MAML2: variants seen among roughly 807,000 people sequenced by gnomAD.
The protein encoded by MAML2 is mastermind like transcriptional coactivator 2.
In MAML2, 22 loss-of-function variants were observed where a neutral mutation model predicts 96.1. The ratio of observed to expected loss-of-function variants is 0.23; its 90% CI spans 0.16 to 0.33. The LOEUF is 0.33. Ranked by LOEUF, MAML2 falls within the 10% of genes least tolerant of loss-of-function variation. MAML2 has a pLI of 1.00. For missense variants in MAML2, 1,367 were observed against 1,392.4 expected (o/e 0.98, Z 0.29); for synonymous variants, 561 against 521.3 (o/e 1.08, Z -1.04).
rs1197335892 is a variant in MAML2, at chr11:96,341,583, G to C, written c.313C>G (p.Pro105Ala). The change falls in exon 1 of 5, where the codon CCT becomes GCT. Residue 105 changes from proline to alanine, a missense_variant. Coordinates refer to ENST00000524717, the MANE Select transcript of MAML2 (RefSeq NM_032427.4). ...ATATAATTTA[P>A]PPPPAAPPAA... is the part of the protein sequence containing the mutation. ...GGAGGGGCAGCAGGGGGCGGTGGAG[G>C]GGCTGTAGTGGTGGCAGCAGTGGCG... 1 of 1,551,460 alleles carries C rather than the reference G, an allele frequency of 6.4e-7. No individual in the cohort carries two copies. Among genetic ancestry groups the C allele is most frequent in the Non-Finnish European group, 8.7e-7 (1 of 1,147,020 alleles).
intron 1 of MAML2, among the ~76,000 whole-genome samples, chr11:96,110,935 C>G (rs1860109275): frequency 6.6e-6 from 1 of 152,154 alleles, no homozygotes; most frequent in Non-Finnish European, 1.5e-5. Context: ...TTGCTTTTGA[C>G]CAGACAGTTT....
At chr11:96,132,664 C>T (rs1414388973) in intron 1 of MAML2, among the ~76,000 whole-genome samples, 2 of 152,180 alleles carry the variant, frequency 1.3e-5, no homozygotes, top group South Asian at 2.1e-4. Context: ...GTGTTCTTAG[C>T]GTTCTGACAA....
intron 1 of MAML2, among the ~76,000 whole-genome samples, chr11:96,213,781 C>T (rs1398399927): frequency 6.6e-6 from 1 of 152,192 alleles, no homozygotes. Context: ...GATGCATTGC[C>T]TTGTCTTTGC....
chr11:96,277,228 ATTTT>A (rs968121479), intron 1 of MAML2, among the ~76,000 whole-genome samples: 1 of 151,588 alleles, frequency 6.6e-6, no homozygotes, highest in East Asian at 1.9e-4. Flanking sequence ...CTGTATCTCG[ATTTT>A]TTTTTCTTTT....
chr11:96,143,668 A>G (rs1056492759), intron 1 of MAML2, among the ~76,000 whole-genome samples: 1 of 152,202 alleles, frequency 6.6e-6, no homozygotes, highest in African/African-American at 2.4e-5. Flanking sequence ...AACTCCAAAC[A>G]ACATTAATTC....
At chr11:96,025,658 A>G (rs965744176) in intron 2 of MAML2, among the ~76,000 whole-genome samples, 3 of 152,126 alleles carry the variant, frequency 2.0e-5, no homozygotes, top group Admixed American at 2.0e-4. Context: ...GGTTCAAGCG[A>G]TTCTCCTGCC....
intron 1 of MAML2, among the ~76,000 whole-genome samples, chr11:96,172,366 G>C (rs1027411619): frequency 4.6e-5 from 7 of 152,286 alleles, no homozygotes; most frequent in African/African-American, 1.4e-4. Context: ...CCAGACTGGT[G>C]GTGTTCAGAG....
At chr11:96,000,874 T>C (rs1353150352) in intron 2 of MAML2, among the ~76,000 whole-genome samples, 1 of 152,198 alleles carries the variant, frequency 6.6e-6, no homozygotes, top group East Asian at 1.9e-4. Context: ...TTGAAAGAAT[T>C]GTAGCTTATC....
chr11:96,258,614 A>G (rs1240978264), intron 1 of MAML2, among the ~76,000 whole-genome samples: 1 of 152,250 alleles, frequency 6.6e-6, no homozygotes, highest in East Asian at 1.9e-4. Flanking sequence ...GGAATCATAT[A>G]TGGAGTAAAC....
At chr11:96,289,299 G>A (rs1327720684) in intron 1 of MAML2, among the ~76,000 whole-genome samples, 1 of 152,110 alleles carries the variant, frequency 6.6e-6, no homozygotes, top group Admixed American at 6.5e-5. Flanking sequence ...AGTCTTCAAG[G>A]ATAACTGTGC....
At chr11:96,310,030 C>CGGGAGGCTGAGG (rs1863515693) in intron 1 of MAML2, among the ~76,000 whole-genome samples, 1 of 151,982 alleles carries the variant, frequency 6.6e-6, no homozygotes, top group African/African-American at 2.4e-5. Flanking sequence ...TCTGAAGTTT[C>CGGGAGGCTGAGG]CAAAATGTAT....
rs201318083 is a variant in MAML2, at chr11:96,308,283, G to GA, written c.513+33099dup. On this transcript the variant is annotated intron_variant, in intron 1 of 4. Coordinates refer to ENST00000524717, the MANE Select transcript of MAML2 (RefSeq NM_032427.4). ...CAATGCTATCCTAAACCACAAGGAGGAAAAAAAAATCCAGTGATTTACTAA... is the reference window on the plus strand; with the variant it reads ...CAATGCTATCCTAAACCACAAGGAGGAAAAAAAAAATCCAGTGATTTACTAA... Among the ~76,000 whole-genome samples, 316 of 150,752 alleles carry GA rather than the reference G, an allele frequency of 2.1e-3. 1 individual carries two copies. Among genetic ancestry groups the GA allele is most frequent in the African/African-American group, 7.2e-3 (298 of 41,156 alleles).
At chr11:96,139,195 A>G (rs1860691059) in intron 1 of MAML2, among the ~76,000 whole-genome samples, 1 of 152,170 alleles carries the variant, frequency 6.6e-6, no homozygotes, top group African/African-American at 2.4e-5. Context: ...TCACCACTGA[A>G]AAAAGACAGT....
chr11:96,172,909 G>A (rs542566791), intron 1 of MAML2, among the ~76,000 whole-genome samples: 3 of 152,156 alleles, frequency 2.0e-5, no homozygotes, highest in Admixed American at 6.5e-5. Flanking sequence ...CCAGCCTCTC[G>A]ATATGTAGAA....
intron 2 of MAML2, among the ~76,000 whole-genome samples, chr11:96,010,624 C>A (rs1287554411): frequency 2.0e-5 from 3 of 152,052 alleles, no homozygotes; most frequent in Non-Finnish European, 4.4e-5. Flanking sequence ...AAAGAGAGAA[C>A]AATAGAGACA....
intron 1 of MAML2, among the ~76,000 whole-genome samples, chr11:96,170,802 C>T (rs1861279583): frequency 6.6e-6 from 1 of 152,256 alleles, no homozygotes; most frequent in East Asian, 1.9e-4. Flanking sequence ...GCAAGCTCCG[C>T]CTCCCGGGTT....
At chr11:96,204,691 T>C (rs1365396103) in intron 1 of MAML2, among the ~76,000 whole-genome samples, 2 of 152,204 alleles carry the variant, frequency 1.3e-5, no homozygotes, top group East Asian at 3.8e-4. Flanking sequence ...ATATCAGAAA[T>C]AGCGCATTGC....
intron 1 of MAML2, among the ~76,000 whole-genome samples, chr11:96,285,698 AG>A (rs1427931806): frequency 2.6e-5 from 4 of 152,054 alleles, no homozygotes; most frequent in Non-Finnish European, 5.9e-5. Flanking sequence ...GAAGACATTC[AG>A]GGGGCCAAAA....
chr11:96,004,862 C>A (rs951508235), intron 2 of MAML2, among the ~76,000 whole-genome samples: 1 of 152,168 alleles, frequency 6.6e-6, no homozygotes, highest in African/African-American at 2.4e-5. Flanking sequence ...GCGTCTCCTC[C>A]AAAATTCCTG....
Sources: allele counts gnomAD v4.1 joint callset (sites outside exome capture counted in the v4.1 genomes callset), GRCh38; gene constraint gnomAD v4.1.1; transcripts MANE v1.5; gene names NCBI Gene and HGNC (gene_info 2026-07-23, HGNC 2026-07-21).